The following ARRDC2 variants were observed in gnomAD, a reference collection of about 807,000 sequenced individuals.
ARRDC2 encodes arrestin domain-containing protein 2.
A neutral mutation model predicts 38.9 loss-of-function variants in ARRDC2; 39 were observed. The ratio of observed to expected loss-of-function variants is 1.00; its 90% confidence interval spans 0.78 to 1.31. ARRDC2 has a LOEUF of 1.31. ARRDC2 is among the 50% of genes most tolerant of loss of function. The pLI, the probability that ARRDC2 is intolerant of heterozygous loss-of-function variation, is 0.00. For missense variants in ARRDC2, 553 were observed against 588.4 expected (o/e 0.94, Z 0.62); for synonymous variants, 300 against 261.9 (o/e 1.15, Z -1.41).
chr19:18,008,520 T>G lies in ARRDC2; in HGVS notation c.210T>G (p.Ala70=), dbSNP rs1002788056. ...CGCGCAGCGCGGGCTCGAGCACGGC[T>G]TACACGCAGAGCTACAGTGAACGCG... ...TESRSAGSST[A]YTQSYSERVE... Residue 70 remains alanine (A), a synonymous_variant, in exon 1 of 8, where the codon GCT becomes GCG. Coordinates refer to ENST00000222250, the MANE Select transcript of ARRDC2 (RefSeq NM_015683.2). 7 of 1,542,546 alleles carry G rather than the reference T, an allele frequency of 4.5e-6. No individual in the cohort carries two copies. The African/African-American group carries it at 9.6e-5, about 21-fold the overall frequency.
upstream of ARRDC2, among the ~76,000 whole-genome samples, chr19:18,008,002 G>T (rs928415023): frequency 1.3e-5 from 2 of 152,224 alleles, no homozygotes; most frequent in Admixed American, 1.3e-4. Context: ...GCGAGGGAAG[G>T]GGGCAGCCGG....
In ARRDC2 at chr19:18,010,087, T is replaced by A. The variant is rs189427900; in HGVS notation, c.849+48T>A. 53 of 1,605,220 alleles carry A rather than the reference T, an allele frequency of 3.3e-5. 1 individual carries two copies. Among genetic ancestry groups the A allele is most frequent in the South Asian group, 1.8e-4 (16 of 90,606 alleles). On this transcript the variant is annotated intron_variant, in intron 5 of 7. Coordinates refer to ENST00000222250, the MANE Select transcript of ARRDC2 (RefSeq NM_015683.2). ...GGGGACAGTGCCTACATTCACCCTG[T>A]ATTCCCTCAGACTGGGGGAAGCTGA...
chr19:18,005,939 C>T (rs1367400290), upstream of ARRDC2, among the ~76,000 whole-genome samples: 11 of 146,834 alleles, frequency 7.5e-5, no homozygotes, highest in Admixed American at 1.3e-4. Context: ...CGCTCCTCAC[C>T]TCCCAGACGG....
intron 1 of ARRDC2, chr19:18,001,618 C>G (rs1464761924): frequency 1.5e-5 from 20 of 1,294,650 alleles, no homozygotes; most frequent in Non-Finnish European, 2.0e-5. Flanking sequence ...GGGACCCCCT[C>G]GGCCGCGACC....
intron 6 of ARRDC2, 54 bp downstream of exon 6, chr19:18,010,412 G>A: frequency 1.3e-6 from 2 of 1,580,224 alleles, no homozygotes; most frequent in Non-Finnish European, 1.7e-6. Flanking sequence ...CGGAGAGGTG[G>A]ATGCCGGGTC....
Position 18,009,647 on chromosome 19 carries a change from G to A in ARRDC2, c.545G>A (p.Gly182Asp). ...KVARSWYCNR[G>D]LVSLSAKIDR... is the part of the protein sequence containing the mutation. ...GCCCGATCCTGGTACTGTAACCGTG[G>A]CCTAGTCTCCCTTTCGGCCAAGATC... is the stretch of plus-strand genomic sequence containing the variant. Residue 182 changes from glycine (G) to aspartate (D), a missense_variant, in exon 4 of 8, where the codon GGC becomes GAC. Gly to Asp is a moderately conservative substitution (Grantham distance 94). This residue lies in a region of ARRDC2 where 447 missense variants were observed against 456.6 expected (regional missense o/e 0.98). Coordinates refer to ENST00000222250, the MANE Select transcript of ARRDC2 (RefSeq NM_015683.2). The A allele has an allele frequency of 6.2e-7, 1 of 1,611,278 alleles. No homozygotes were observed. Among genetic ancestry groups the A allele is most frequent in the Non-Finnish European group, 8.5e-7 (1 of 1,177,930 alleles).
intron 7 of ARRDC2, 40 bp downstream of exon 7, chr19:18,010,769 G>A (rs1265101575): frequency 6.3e-7 from 1 of 1,595,052 alleles, no homozygotes; most frequent in Non-Finnish European, 8.6e-7. Flanking sequence ...GCCTCTCTGG[G>A]CCCTGGGAGC....
At chr19:18,008,930 CT>C in intron 2 of ARRDC2, 40 bp from the exon 3 acceptor site, 1 of 1,609,844 alleles carries the variant, frequency 6.2e-7, no homozygotes, top group Non-Finnish European at 8.5e-7. Context: ...GCCTGCTTGT[CT>C]CTGTATCTTG....
At chr19:18,007,183 A>C (rs2033297260), upstream of ARRDC2, 1 of 152,328 alleles carries the variant, frequency 6.6e-6, no homozygotes, top group Non-Finnish European at 1.5e-5. Context: ...GACGACGCAG[A>C]GGCAACTCCC....
At chr19:18,008,821 T>C in intron 2 of ARRDC2, 44 bp downstream of exon 2, 1 of 1,608,454 alleles carries the variant, frequency 6.2e-7, no homozygotes. Flanking sequence ...CTGCAGCCCC[T>C]TCCAGATTGG....
At chr19:18,010,803 A>G (rs1018488483) in intron 7 of ARRDC2, 74 bp downstream of exon 7, 4 of 1,511,946 alleles carry the variant, frequency 2.6e-6, no homozygotes, top group Non-Finnish European at 3.6e-6. Context: ...CAGACATAGT[A>G]GATGGGTTTT....
upstream of ARRDC2, among the ~76,000 whole-genome samples, chr19:18,005,713 G>C (rs1355499301): frequency 6.6e-6 from 1 of 150,648 alleles, no homozygotes; most frequent in Admixed American, 6.6e-5. Flanking sequence ...CTGGCTGGGT[G>C]GGGGGCTGAC....
Position 18,008,707 on chromosome 19 carries a change from G to A in ARRDC2, c.275-4G>A, listed in dbSNP as rs372274790. On this transcript the variant is annotated splice_polypyrimidine_tract_variant and splice_region_variant and intron_variant, in intron 1 of 7. Coordinates refer to ENST00000222250, the MANE Select transcript of ARRDC2 (RefSeq NM_015683.2). ...CAGTCGCCTCCTTTTTCTCCTACCT[G>A]CAGATACCGGGGAGACCACGACGCT... The A allele has an allele frequency of 5.0e-6, 8 of 1,612,912 alleles. No homozygotes were observed. In the African/African-American group the frequency reaches 9.3e-5, roughly 19 times the overall value.
Position 18,009,098 on chromosome 19 carries a change from A to G in ARRDC2, c.469A>G (p.Ile157Val). Residue 157 changes from isoleucine to valine, a missense_variant, in exon 3 of 8, where the codon ATC becomes GTC. By Grantham distance (29) the Ile-to-Val change is conservative. This residue lies in a region of ARRDC2 where 447 missense variants were observed against 456.6 expected (regional missense o/e 0.98). Coordinates refer to ENST00000222250, the MANE Select transcript of ARRDC2 (RefSeq NM_015683.2). ...KVFTVIEPVD[I>V]NTPALLAPQA... is the part of the protein sequence containing the mutation. ...GTTCACTGTCATCGAGCCTGTGGAC[A>G]TCAACACGCCAGCCCTGCTGGTGAG... 6.2e-7 allele frequency: 1 copy of G among 1,613,634 alleles called. No homozygotes were observed. Among genetic ancestry groups the G allele is most frequent in the African/African-American group, 1.3e-5 (1 of 75,030 alleles).
rs1029208418 is a variant in ARRDC2 at position 18,013,917 on chromosome 19, C to T, written c.*951C>T. 2.6e-5 allele frequency: 4 copies of T among 152,248 alleles called. No individual in the cohort carries two copies. The highest frequency in any genetic ancestry group is 4.4e-5 in the Non-Finnish European group (3 of 68,030). 9.4% of individuals were successfully genotyped at this position (152,248 alleles called of 1,614,324 possible). ...GTGACACACGGGGACTACTGTGCTTCCGGAGGCTCCCTGTGTCCTGGAGGA... is the reference window on the plus strand; with the variant it reads ...GTGACACACGGGGACTACTGTGCTTTCGGAGGCTCCCTGTGTCCTGGAGGA... On this transcript the variant is annotated 3_prime_UTR_variant, in exon 8 of 8. Coordinates refer to ENST00000222250, the MANE Select transcript of ARRDC2 (RefSeq NM_015683.2).
Position 18,009,723 on chromosome 19 carries a change from C to T in ARRDC2, c.592+29C>T, listed in dbSNP as rs750556002. 14 of 1,612,416 alleles carry T rather than the reference C, an allele frequency of 8.7e-6. No individual in the cohort carries two copies. In the Admixed American group the frequency reaches 1.0e-4, roughly 12 times the overall value. ...GCAGGCGGACCGGACTGGGTTGGGA[C>T]GGGGGCTGGTGTTGGGGTTGCAGGA... is the stretch of plus-strand genomic sequence containing the variant. On this transcript the variant is annotated intron_variant, in intron 4 of 7. Coordinates refer to ENST00000222250, the MANE Select transcript of ARRDC2 (RefSeq NM_015683.2).
rs7255589 is a variant in ARRDC2, at chr19:18,013,156, C to T, written c.*190C>T. The T allele has an allele frequency of 0.094, 56,644 of 604,304 alleles. 3,632 individuals are homozygous for T. The highest frequency in any genetic ancestry group is 0.25 in the African/African-American group (13,495 of 53,462). 37.4% of individuals were successfully genotyped at this position (604,304 alleles called of 1,614,324 possible). A position where few individuals can be genotyped will look rare whatever the true frequency, so the allele number is the denominator to read the frequency against. On this transcript the variant is annotated 3_prime_UTR_variant, in exon 8 of 8. Transcript: ENST00000222250. ...AAGAGCCCGGCTGGAATCTGACTTA[C>T]CTGGACCGCTGTCCTTGTGAGGCAT...
upstream of ARRDC2, chr19:18,007,951 A>C: frequency 2.6e-6 from 1 of 387,230 alleles, no homozygotes; most frequent in Non-Finnish European, 4.6e-6. Context: ...GCGAGAGACC[A>C]GCTCTGGCAG....
Position 18,008,718 on chromosome 19 carries a change from G to T in ARRDC2, c.282G>T (p.Gly94=). Residue 94 remains glycine, a synonymous_variant, in exon 2 of 8, where the codon GGG becomes GGT. Coordinates refer to ENST00000222250, the MANE Select transcript of ARRDC2 (RefSeq NM_015683.2). Reference sequence around the variant, plus strand: ...TTTTTCTCCTACCTGCAGATACCGGGGAGACCACGACGCTGCCTCCTGGGC... The same window carrying T: ...TTTTTCTCCTACCTGCAGATACCGGTGAGACCACGACGCTGCCTCCTGGGC... ...HRATLLAPDT[G]ETTTLPPGRH... is the part of the protein sequence containing the mutation. The T allele has an allele frequency of 6.2e-7, 1 of 1,613,264 alleles. No individual in the cohort carries two copies. Among genetic ancestry groups the T allele is most frequent in the Non-Finnish European group, 8.5e-7 (1 of 1,179,976 alleles).
Sources: gnomAD v4.1 joint callset for allele counts (sites outside exome capture counted in the v4.1 genomes callset) on GRCh38, gnomAD v4.1.1 for gene constraint, gnomAD v4.1.1 regional missense constraint, MANE v1.5 for transcripts, NCBI Gene and HGNC (gene_info 2026-07-23, HGNC 2026-07-21) for gene names.